Variants in OSBPL1A observed in about 807,000 individuals in gnomAD.
OSBPL1A encodes the protein oxysterol binding protein like 1A.
A neutral mutation model predicts 137.1 loss-of-function variants in OSBPL1A; 80 were observed. The observed-to-expected ratio is 0.58, with a 90% CI of 0.49 to 0.70. The LOEUF (loss-of-function observed/expected upper bound fraction) is 0.70, where lower values mean the gene tolerates loss of function less well. OSBPL1A is among the 30% of genes least tolerant of loss of function. OSBPL1A has a pLI of 0.00. For missense variants in OSBPL1A, 970 were observed against 1,129.4 expected (o/e 0.86, Z 2.02); for synonymous variants, 365 against 389.7 (o/e 0.94, Z 0.75).
chr18:24,307,596 C>T (rs1283042345), intron 13 of OSBPL1A, among the ~76,000 whole-genome samples: 1 of 151,964 alleles, frequency 6.6e-6, no homozygotes, highest in African/African-American at 2.4e-5. Context: ...GTTTTTTTTC[C>T]TCCCAAGTAG....
At chr18:24,298,867 A>G (rs2090346027) in intron 14 of OSBPL1A, among the ~76,000 whole-genome samples, 1 of 152,128 alleles carries the variant, frequency 6.6e-6, no homozygotes, top group South Asian at 2.1e-4. Flanking sequence ...TGTCTATCTC[A>G]TTTCTTAGGT....
chr18:24,350,588 A>G (rs1335368116), intron 4 of OSBPL1A, among the ~76,000 whole-genome samples: 1 of 152,158 alleles, frequency 6.6e-6, no homozygotes, highest in Admixed American at 6.6e-5. Context: ...CACTGAGCCC[A>G]GCCTGTCATT....
chr18:24,280,224 C>T (rs1599607442), intron 15 of OSBPL1A, among the ~76,000 whole-genome samples: 1 of 151,884 alleles, frequency 6.6e-6, no homozygotes. Context: ...GGATTATAGG[C>T]GTGAGCCACC....
chr18:24,252,256 C>A (rs1032258737), intron 15 of OSBPL1A, among the ~76,000 whole-genome samples: 2 of 152,056 alleles, frequency 1.3e-5, no homozygotes, highest in African/African-American at 4.8e-5. Flanking sequence ...CCAAAGAAGA[C>A]GACCTCATGG....
At chr18:24,171,190 T>C (rs1379970945) in intron 23 of OSBPL1A, among the ~76,000 whole-genome samples, 2 of 151,908 alleles carry the variant, frequency 1.3e-5, no homozygotes, top group Non-Finnish European at 2.9e-5. Flanking sequence ...TCCACCACCA[T>C]GCCTGGCTAA....
intron 5 of OSBPL1A, among the ~76,000 whole-genome samples, chr18:24,338,964 A>C (rs2091228892): frequency 6.6e-6 from 1 of 151,962 alleles, no homozygotes; most frequent in East Asian, 1.9e-4. Context: ...CACCCGCCTC[A>C]GCTTCCCAAA....
At position 24,353,281 on chromosome 18, in the gene OSBPL1A, A is replaced by C. The variant is rs547943955; in HGVS notation, c.283-11623T>G. On this transcript the variant is annotated intron_variant, in intron 4 of 27. Transcript: ENST00000319481. ...AGGAGATGAACAGACACTTCTAAAA[A>C]GAAGACATTTACGCAGCCAAAAAAC... Among the ~76,000 whole-genome samples, 8 of 152,370 alleles carry C rather than the reference A, an allele frequency of 5.3e-5. No individual in the cohort carries two copies. In the South Asian group the frequency reaches 1.7e-3, roughly 32 times the overall value.
chr18:24,388,660 C>T (rs902824861), intron 1 of OSBPL1A, among the ~76,000 whole-genome samples: 5 of 151,748 alleles, frequency 3.3e-5, no homozygotes, highest in African/African-American at 4.8e-5. Context: ...ATTAGCCAGG[C>T]GTGGTGATGG....
At chr18:24,262,616 T>C (rs75910400) in intron 15 of OSBPL1A, among the ~76,000 whole-genome samples, 4,592 of 152,316 alleles carry the variant, frequency 0.03, 236 homozygotes, top group African/African-American at 0.11. Context: ...AATACCTTTA[T>C]GTTAAGTGTA....
chr18:24,226,554 A>C (rs2088082697), intron 16 of OSBPL1A, among the ~76,000 whole-genome samples: 1 of 152,196 alleles, frequency 6.6e-6, no homozygotes, highest in Non-Finnish European at 1.5e-5. Flanking sequence ...ATTTATCAAC[A>C]ATCTGCTAAA....
At chr18:24,265,479 T>G (rs1331276635) in intron 15 of OSBPL1A, among the ~76,000 whole-genome samples, 2 of 151,444 alleles carry the variant, frequency 1.3e-5, no homozygotes. Context: ...TACTCCATCT[T>G]GGAAAAAGAA....
chr18:24,257,782 G>GA (rs199965857), intron 15 of OSBPL1A, among the ~76,000 whole-genome samples: 1,550 of 152,006 alleles, frequency 0.01, 15 homozygotes, highest in Non-Finnish European at 0.016. Context: ...AACTCCACAG[G>GA]AAAAAAATCC....
At chr18:24,229,357 A>G (rs1414659322) in intron 16 of OSBPL1A, among the ~76,000 whole-genome samples, 2 of 152,250 alleles carry the variant, frequency 1.3e-5, no homozygotes, top group Non-Finnish European at 2.9e-5. Context: ...CATCAATTAC[A>G]TGATTTACAG....
At chr18:24,256,052 C>T (rs2146034698) in intron 15 of OSBPL1A, among the ~76,000 whole-genome samples, 1 of 152,256 alleles carries the variant, frequency 6.6e-6, no homozygotes, top group South Asian at 2.1e-4. Context: ...GCCTCAGCCT[C>T]CCAAAGTGCT....
At chr18:24,230,182 G>A (rs2088226729) in intron 16 of OSBPL1A, among the ~76,000 whole-genome samples, 1 of 152,212 alleles carries the variant, frequency 6.6e-6, no homozygotes, top group Non-Finnish European at 1.5e-5. Flanking sequence ...CCCATGTGCT[G>A]GTTGCAGTGC....
intron 1 of OSBPL1A, among the ~76,000 whole-genome samples, chr18:24,379,326 C>G (rs1046695343): frequency 6.6e-6 from 1 of 152,066 alleles, no homozygotes; most frequent in African/African-American, 2.4e-5. Context: ...TCAAGACCAG[C>G]CTGGACAACA....
intron 15 of OSBPL1A, 54 bp from the exon 16 acceptor site, chr18:24,239,436 G>T (rs1261290313): frequency 3.4e-6 from 5 of 1,470,148 alleles, no homozygotes; most frequent in Non-Finnish European, 4.7e-6. Flanking sequence ...AGACACAGAC[G>T]TACTCAGAGG....
At chr18:24,253,083 C>G (rs2089149491) in intron 15 of OSBPL1A, among the ~76,000 whole-genome samples, 1 of 139,206 alleles carries the variant, frequency 7.2e-6, no homozygotes, top group Non-Finnish European at 1.5e-5. Flanking sequence ...AATTAGAAAA[C>G]AAGTAACAAA....
chr18:24,293,054 A>G (rs1321235773), intron 14 of OSBPL1A, among the ~76,000 whole-genome samples: 2 of 147,894 alleles, frequency 1.4e-5, no homozygotes, highest in Non-Finnish European at 3.0e-5. Flanking sequence ...GCAGTGAGCC[A>G]AGATCGCACC....
Sources: gnomAD v4.1 joint callset for allele counts (sites outside exome capture counted in the v4.1 genomes callset) on GRCh38, gnomAD v4.1.1 for gene constraint, MANE v1.5 for transcripts, NCBI Gene and HGNC (gene_info 2026-07-23, HGNC 2026-07-21) for gene names.